Variants in SMARCA5 observed in about 807,000 individuals in gnomAD.
SMARCA5 encodes SWI/SNF-related matrix-associated actin-dependent regulator of chromatin subfamily A member 5.
In SMARCA5, 18 loss-of-function variants were observed where a neutral mutation model predicts 140.4. The ratio of observed to expected loss-of-function variants is 0.13; its 90% CI spans 0.09 to 0.19. SMARCA5 has a LOEUF of 0.19. Among genes scored for constraint, SMARCA5 ranks in the 10% least tolerant of loss-of-function variants. The pLI, the probability that SMARCA5 is intolerant of heterozygous loss-of-function variation, is 1.00. For missense variants in SMARCA5, 606 were observed against 1,276.8 expected (o/e 0.47, Z 8.01); for synonymous variants, 449 against 419.6 (o/e 1.07, Z -0.86).
intron 1 of SMARCA5, 127 bp downstream of exon 1, chr4:143,514,228 G>A: frequency 1.2e-6 from 1 of 851,188 alleles, no homozygotes; most frequent in Non-Finnish European, 1.7e-6. Context: ...TTCACACCCT[G>A]TGGATACGAA....
chr4:143,553,943 C>T lies in SMARCA5; in HGVS notation c.*759C>T, dbSNP rs1298118078. The T allele has an allele frequency of 6.7e-6, 1 of 150,102 alleles. No homozygotes were observed. Among genetic ancestry groups the T allele is most frequent in the African/African-American group, 2.4e-5 (1 of 40,894 alleles). 9.3% of individuals were successfully genotyped at this position (150,102 alleles called of 1,614,324 possible). ...TTTGTCATATGACCTTCTGAAGCAGCCACAACTTAGATAATGTCAGAACTA... is the reference window on the plus strand; with the variant it reads ...TTTGTCATATGACCTTCTGAAGCAGTCACAACTTAGATAATGTCAGAACTA... On this transcript the variant is annotated 3_prime_UTR_variant, in exon 24 of 24. Coordinates refer to ENST00000283131, the MANE Select transcript of SMARCA5 (RefSeq NM_003601.4).
chr4:143,555,460 GAAAGT>G lies in SMARCA5; in HGVS notation c.*2281_*2285del. 1 of 543,482 alleles carries G rather than the reference GAAAGT, an allele frequency of 1.8e-6. No individual in the cohort carries two copies. Among genetic ancestry groups the G allele is most frequent in the Non-Finnish European group, 3.4e-6 (1 of 293,970 alleles). 33.7% of individuals were successfully genotyped at this position (543,482 alleles called of 1,614,324 possible). A position where few individuals can be genotyped will look rare whatever the true frequency, so the allele number is the denominator to read the frequency against. ...ATTGTATAATAGTTTCTGTTCTGTG[GAAAGT>G]AAAGCATTCCAACACAGGGTTTCAG... On this transcript the variant is annotated 3_prime_UTR_variant, in exon 24 of 24. Transcript: ENST00000283131.
intron 17 of SMARCA5, 121 bp downstream of exon 17, chr4:143,544,968 G>C (rs1229270774): frequency 3.8e-6 from 2 of 526,560 alleles, no homozygotes; most frequent in African/African-American, 4.7e-5. Flanking sequence ...TTTTTTTTGA[G>C]ACAGAGTCTC....
At chr4:143,551,512 TC>T (rs1229916889) in intron 23 of SMARCA5, among the ~76,000 whole-genome samples, 1 of 152,158 alleles carries the variant, frequency 6.6e-6, no homozygotes, top group African/African-American at 2.4e-5. Context: ...CCCAATGTTT[TC>T]TTGTAGTTTC....
chr4:143,555,829 A>G lies in SMARCA5; in HGVS notation c.*2645A>G, dbSNP rs1737736598. The G allele has an allele frequency of 6.4e-6, 1 of 156,398 alleles. No individual in the cohort carries two copies. The highest frequency in any genetic ancestry group is 6.4e-5 in the Admixed American group (1 of 15,644). The allele number at this position is 156,398 out of a possible 1,614,324, so 9.7% of individuals were successfully genotyped here. On this transcript the variant is annotated 3_prime_UTR_variant, in exon 24 of 24. Transcript: ENST00000283131. ...AGCTAAGTTTTTTTAGTTTTTGTAGAGATAGGGCCTTGCTATGTTGCCCAG... is the reference window on the plus strand; with the variant it reads ...AGCTAAGTTTTTTTAGTTTTTGTAGGGATAGGGCCTTGCTATGTTGCCCAG...
intron 1 of SMARCA5, chr4:143,514,764 C>T (rs556165652): frequency 6.6e-6 from 1 of 152,262 alleles, no homozygotes; most frequent in East Asian, 1.9e-4. Context: ...TCGGATCCCC[C>T]GTCTAATTTA....
chr4:143,545,664 T>A, intron 18 of SMARCA5, 81 bp downstream of exon 18: 1 of 905,616 alleles, frequency 1.1e-6, no homozygotes, highest in Non-Finnish European at 1.7e-6. Flanking sequence ...AATATTTATC[T>A]AATTTGGACC....
rs377748905 is a variant in SMARCA5, at chr4:143,538,851, T to G, written c.1683T>G (p.Ala561=). ...TKFVFMLSTR[A]GGLGINLATA... is the part of the protein sequence containing the mutation. ...TTGTTTTCATGTTAAGCACGCGTGC[T>G]GGTGGTCTTGGCATCAATCTTGCGA... The change falls in exon 13 of 24, where the codon GCT becomes GCG. Residue 561 remains alanine, a synonymous_variant. Coordinates refer to ENST00000283131, the MANE Select transcript of SMARCA5 (RefSeq NM_003601.4). 6.2e-7 allele frequency: 1 copy of G among 1,614,060 alleles called. No homozygotes were observed. Among genetic ancestry groups the G allele is most frequent in the South Asian group, 1.1e-5 (1 of 91,078 alleles).
chr4:143,547,703 C>G (rs1200342287), intron 21 of SMARCA5, among the ~76,000 whole-genome samples, 200 bp downstream of exon 21: 2 of 151,878 alleles, frequency 1.3e-5, no homozygotes, highest in Non-Finnish European at 2.9e-5. Flanking sequence ...CTAAGATTAG[C>G]TTTTTACTAA....
At position 143,513,851 on chromosome 4, in the gene SMARCA5, C is replaced by CAGGCCT. The variant is rs1453270639; in HGVS notation, c.-67_-62dup. ...CACCAGTTTATTGCGACGTAGCATC[C>CAGGCCT]AGGCCTAGGCCTCCCCGTCCATCCC... On this transcript the variant is annotated 5_prime_UTR_variant, in exon 1 of 24. Coordinates refer to ENST00000283131, the MANE Select transcript of SMARCA5 (RefSeq NM_003601.4). 11 of 1,473,734 alleles carry CAGGCCT rather than the reference C, an allele frequency of 7.5e-6. No homozygotes were observed. The highest frequency in any genetic ancestry group is 1.4e-5 in the African/African-American group (1 of 70,894). The allele number at this position is 1,473,734 out of a possible 1,614,324, so 91.3% of individuals were successfully genotyped here. A position where few individuals can be genotyped will look rare whatever the true frequency, so the allele number is the denominator to read the frequency against.
chr4:143,519,175 A>G (rs968581104), intron 2 of SMARCA5, among the ~76,000 whole-genome samples: 3 of 152,068 alleles, frequency 2.0e-5, no homozygotes, highest in Non-Finnish European at 4.4e-5. Flanking sequence ...TTAAAATCCT[A>G]TTCATACCTC....
chr4:143,516,169 G>A (rs1240003508), intron 1 of SMARCA5, among the ~76,000 whole-genome samples: 1 of 148,850 alleles, frequency 6.7e-6, no homozygotes, highest in Non-Finnish European at 1.5e-5. Context: ...ATGATCTAAG[G>A]TGTTTTTCTA....
At chr4:143,540,637 C>CA in intron 14 of SMARCA5, 142 bp downstream of exon 14, 9 of 729,210 alleles carry the variant, frequency 1.2e-5, no homozygotes, top group Non-Finnish European at 2.0e-5. Flanking sequence ...ATTGCAAATA[C>CA]AGTAAACTTT....
intron 14 of SMARCA5, among the ~76,000 whole-genome samples, chr4:143,542,718 GT>G (rs777547432): frequency 5.3e-5 from 8 of 152,058 alleles, no homozygotes; most frequent in Non-Finnish European, 1.2e-4. Context: ...GTTTTTGTTT[GT>G]TTTTTTATAC....
At chr4:143,516,677 G>C (rs137876210) in intron 1 of SMARCA5, among the ~76,000 whole-genome samples, 85 of 152,032 alleles carry the variant, frequency 5.6e-4, no homozygotes, top group African/African-American at 1.9e-3. Context: ...TTTTATTATA[G>C]CATATATTGC....
intron 23 of SMARCA5, among the ~76,000 whole-genome samples, chr4:143,551,965 T>C (rs1737649068): frequency 6.6e-6 from 1 of 152,100 alleles, no homozygotes; most frequent in Admixed American, 6.6e-5. Context: ...CATGGGTATT[T>C]TGATAAGGAT....
At chr4:143,534,990 A>G (rs1737273915) in intron 10 of SMARCA5, 26 bp downstream of exon 10, 1 of 1,404,536 alleles carries the variant, frequency 7.1e-7, no homozygotes, top group East Asian at 2.3e-5. Context: ...TGTACTTGAT[A>G]GCACTATTGA....
Position 143,513,743 on chromosome 4 carries a change from G to A in SMARCA5, c.-182G>A, listed in dbSNP as rs933329530. 4.7e-6 allele frequency: 3 copies of A among 636,096 alleles called. No individual in the cohort carries two copies. Among genetic ancestry groups the A allele is most frequent in the African/African-American group, 1.9e-5 (1 of 51,932 alleles). The allele number at this position is 636,096 out of a possible 1,614,324, so 39.4% of individuals were successfully genotyped here. The stretch of plus-strand genomic sequence containing the variant: ...GCCCCGCGGAAGAGCAGAACGTTTG[G>A]GAGTGTGCAGCTCCTGGGCCCGGCT... On this transcript the variant is annotated 5_prime_UTR_variant, in exon 1 of 24. Transcript: ENST00000283131.
intron 22 of SMARCA5, among the ~76,000 whole-genome samples, chr4:143,549,527 AT>A: frequency 6.6e-6 from 1 of 152,202 alleles, no homozygotes; most frequent in African/African-American, 2.4e-5. Context: ...GTTTTCCAAA[AT>A]TGGGAAAGGT....
Sources: gnomAD v4.1 joint callset for allele counts (sites outside exome capture counted in the v4.1 genomes callset) on GRCh38, gnomAD v4.1.1 for gene constraint, MANE v1.5 for transcripts, NCBI Gene and HGNC (gene_info 2026-07-23, HGNC 2026-07-21) for gene names.